The following TATDN3 variants were observed in gnomAD, a reference collection of about 807,000 sequenced individuals.
TATDN3 encodes the protein deoxyribonuclease TATDN3.
A neutral mutation model predicts 40.1 loss-of-function variants in TATDN3; 29 were observed. The observed-to-expected ratio is 0.72, with a 90% CI of 0.54 to 0.99. TATDN3 has a LOEUF of 0.99. Ranked by LOEUF, TATDN3 falls within the 50% of genes least tolerant of loss-of-function variation. The probability of loss-of-function intolerance (pLI) is 0.00; values close to 1 mark genes in which losing one functional copy is unlikely to be tolerated. For synonymous variants in TATDN3, 105 were observed against 117.0 expected (o/e 0.90, Z 0.66); for missense variants, 309 against 321.9 (o/e 0.96, Z 0.31).
chr1:212,799,419 G>C (rs1662030056), intron 4 of TATDN3, among the ~76,000 whole-genome samples: 1 of 152,110 alleles, frequency 6.6e-6, no homozygotes, highest in South Asian at 2.1e-4. Context: ...TGGGACCAGA[G>C]TACTAGCATT....
At chr1:212,802,461 C>T (rs576107490) in intron 4 of TATDN3, among the ~76,000 whole-genome samples, 12 of 152,288 alleles carry the variant, frequency 7.9e-5, no homozygotes, top group African/African-American at 1.7e-4. Flanking sequence ...GTTTAAGTGG[C>T]GCTCTTCATA....
intron 4 of TATDN3, among the ~76,000 whole-genome samples, chr1:212,799,506 G>C (rs866025376): frequency 1.4e-3 from 208 of 151,610 alleles, no homozygotes; most frequent in African/African-American, 3.9e-3. Flanking sequence ...ACTTACCAAA[G>C]TAATTAATAT....
intron 8 of TATDN3, among the ~76,000 whole-genome samples, chr1:212,808,583 C>A (rs1277112675): frequency 6.6e-6 from 1 of 151,842 alleles, no homozygotes; most frequent in Non-Finnish European, 1.5e-5. Flanking sequence ...GGTCTAGTAT[C>A]CAGAATATAT....
rs1455704099 is a variant in TATDN3, at chr1:212,815,783, A to T, written c.*627A>T. The T allele has an allele frequency of 6.6e-6, 1 of 152,334 alleles. No homozygotes were observed. Among genetic ancestry groups the T allele is most frequent in the East Asian group, 1.9e-4 (1 of 5,210 alleles). 9.4% of individuals were successfully genotyped at this position (152,334 alleles called of 1,614,324 possible). A position where few individuals can be genotyped will look rare whatever the true frequency, so the allele number is the denominator to read the frequency against. On this transcript the variant is annotated 3_prime_UTR_variant, in exon 10 of 10. Transcript: ENST00000366974. Reference sequence around the variant, plus strand: ...GGTGATCCGCCCGCCTCGGCCTCCCAAAGTGCTGGGATTACAGGCATGAGC... The same window carrying T: ...GGTGATCCGCCCGCCTCGGCCTCCCTAAGTGCTGGGATTACAGGCATGAGC...
chr1:212,812,375 T>C lies in TATDN3; in HGVS notation c.681+47T>C, dbSNP rs371758557. 26 of 1,028,318 alleles carry C rather than the reference T, an allele frequency of 2.5e-5. No individual in the cohort carries two copies. The African/African-American group carries it at 4.2e-4, about 16-fold the overall frequency. 63.7% of individuals were successfully genotyped at this position (1,028,318 alleles called of 1,614,324 possible). A position where few individuals can be genotyped will look rare whatever the true frequency, so the allele number is the denominator to read the frequency against. On this transcript the variant is annotated intron_variant, in intron 9 of 9. Coordinates refer to ENST00000366974, the MANE Select transcript of TATDN3 (RefSeq NM_001042552.3). ...ATATTATTTAGATTGTATCTTTCAT[T>C]TGAGTTCTTTTCAATTTAGCTGTAT... is the stretch of plus-strand genomic sequence containing the variant.
chr1:212,812,227 C>G lies in TATDN3; in HGVS notation c.601-21C>G, dbSNP rs528406803. On this transcript the variant is annotated intron_variant, in intron 8 of 9. Transcript: ENST00000366974. ...TTTATTTCTCATGTTTTAAACTTAGCTGCTTTCTCTTTTCTCTAAGAAGCA... is the reference window on the plus strand; with the variant it reads ...TTTATTTCTCATGTTTTAAACTTAGGTGCTTTCTCTTTTCTCTAAGAAGCA... 6 of 1,502,524 alleles carry G rather than the reference C, an allele frequency of 4.0e-6. No individual in the cohort carries two copies. The African/African-American group carries it at 7.1e-5, about 18-fold the overall frequency. The allele number at this position is 1,502,524 out of a possible 1,614,324, so 93.1% of individuals were successfully genotyped here. A position where few individuals can be genotyped will look rare whatever the true frequency, so the allele number is the denominator to read the frequency against.
intron 3 of TATDN3, 149 bp downstream of exon 3, chr1:212,796,739 C>T: frequency 4.0e-6 from 2 of 505,276 alleles, no homozygotes; most frequent in Non-Finnish European, 6.6e-6. Flanking sequence ...CTACTTATTC[C>T]TTTTTTTTTT....
chr1:212,800,846 T>A (rs112620996), intron 4 of TATDN3, among the ~76,000 whole-genome samples: 6 of 152,064 alleles, frequency 3.9e-5, no homozygotes, highest in African/African-American at 1.4e-4. Context: ...TGAATAATTA[T>A]ATAGTAGTAT....
chr1:212,792,386 C>G (rs1017619640), intron 1 of TATDN3, among the ~76,000 whole-genome samples: 4 of 150,974 alleles, frequency 2.6e-5, no homozygotes, highest in African/African-American at 9.8e-5. Flanking sequence ...AATCCCAGCA[C>G]TTTGGGAGGC....
At chr1:212,813,566 C>CTTTTTTTTTTT (rs202183479) in intron 9 of TATDN3, among the ~76,000 whole-genome samples, 7 of 130,962 alleles carry the variant, frequency 5.3e-5, no homozygotes, top group African/African-American at 8.5e-5. Flanking sequence ...TCTTTCTTTT[C>CTTTTTTTTTTT]TTTTTTTTTT....
In TATDN3 at chr1:212,816,560, A is replaced by G. The variant is rs1246593438; in HGVS notation, c.*1404A>G. On this transcript the variant is annotated 3_prime_UTR_variant, in exon 10 of 10. Transcript: ENST00000366974. Reference sequence around the variant, plus strand: ...CTTAGGTATTTAATCTTGTTAAATTATATAAGCAGAAAATGCTGGAAAAAG... The same window carrying G: ...CTTAGGTATTTAATCTTGTTAAATTGTATAAGCAGAAAATGCTGGAAAAAG... 6.6e-6 allele frequency: 1 copy of G among 152,228 alleles called. No individual in the cohort carries two copies. Among genetic ancestry groups the G allele is most frequent in the African/African-American group, 2.4e-5 (1 of 41,472 alleles). 9.4% of individuals were successfully genotyped at this position (152,228 alleles called of 1,614,324 possible).
Position 212,804,301 on chromosome 1 carries a change from T to C in TATDN3, c.322-19T>C. On this transcript the variant is annotated intron_variant, in intron 5 of 9. Transcript: ENST00000366974. ...TCCTTAAACCTAAATATGTAATATC[T>C]TTTATTTTTCTGCTCTAGGTTGGAC... 6.3e-7 allele frequency: 1 copy of C among 1,586,198 alleles called. No homozygotes were observed. Among genetic ancestry groups the C allele is most frequent in the Non-Finnish European group, 8.7e-7 (1 of 1,155,892 alleles).
intron 8 of TATDN3, among the ~76,000 whole-genome samples, chr1:212,810,807 A>G (rs1428926191): frequency 1.3e-5 from 2 of 152,190 alleles, no homozygotes; most frequent in African/African-American, 4.8e-5. Context: ...TTCCTTGTCA[A>G]TGTCGGCACA....
rs1228307951 is a variant in TATDN3 at position 212,815,475 on chromosome 1, C to T, written c.*319C>T. ...CATTGCTACTGGGAAGGGTGGCTCCCACAGGAAGAGTATAAGCACTACTGT... is the reference window on the plus strand; with the variant it reads ...CATTGCTACTGGGAAGGGTGGCTCCTACAGGAAGAGTATAAGCACTACTGT... On this transcript the variant is annotated 3_prime_UTR_variant, in exon 10 of 10. Coordinates refer to ENST00000366974, the MANE Select transcript of TATDN3 (RefSeq NM_001042552.3). The T allele has an allele frequency of 8.6e-6, 2 of 231,298 alleles. No homozygotes were observed. Among genetic ancestry groups the T allele is most frequent in the African/African-American group, 4.6e-5 (2 of 43,456 alleles). The allele number at this position is 231,298 out of a possible 1,614,324, so 14.3% of individuals were successfully genotyped here.
In TATDN3 at chr1:212,802,661, C is replaced by T. The variant is rs759056037; in HGVS notation, c.259-40C>T. On this transcript the variant is annotated intron_variant, in intron 4 of 9. Transcript: ENST00000366974. ...AATAGGAGCTTGTGAAATAGCAGTTCCTTTCTTCCATTTTAACAATTTTAC... is the reference window on the plus strand; with the variant it reads ...AATAGGAGCTTGTGAAATAGCAGTTTCTTTCTTCCATTTTAACAATTTTAC... 6.5e-6 allele frequency: 9 copies of T among 1,380,670 alleles called. No individual in the cohort carries two copies. The South Asian group carries it at 9.3e-5, about 14-fold the overall frequency. 85.5% of individuals were successfully genotyped at this position (1,380,670 alleles called of 1,614,324 possible). A position where few individuals can be genotyped will look rare whatever the true frequency, so the allele number is the denominator to read the frequency against.
Position 212,816,596 on chromosome 1 carries a change from AG to A in TATDN3, c.*1441del, listed in dbSNP as rs1169878690. On this transcript the variant is annotated 3_prime_UTR_variant, in exon 10 of 10. Transcript: ENST00000366974. ...AAATGCTGGAAAAAGTACCTGTCAT[AG>A]AAAAAAATAAACTTCCTAAATCAAA... The A allele has an allele frequency of 6.6e-6, 1 of 152,212 alleles. No individual in the cohort carries two copies. Among genetic ancestry groups the A allele is most frequent in the Non-Finnish European group, 1.5e-5 (1 of 68,024 alleles). The allele number at this position is 152,212 out of a possible 1,614,324, so 9.4% of individuals were successfully genotyped here. A position where few individuals can be genotyped will look rare whatever the true frequency, so the allele number is the denominator to read the frequency against.
Position 212,802,627 on chromosome 1 carries a change from C to T in TATDN3, c.259-74C>T, listed in dbSNP as rs1328918683. ...GTAAAGCACCAGGATGGCATAGCAC[C>T]TAGCACATAATAGGAGCTTGTGAAA... On this transcript the variant is annotated intron_variant, in intron 4 of 9. Coordinates refer to ENST00000366974, the MANE Select transcript of TATDN3 (RefSeq NM_001042552.3). 1.8e-5 allele frequency: 18 copies of T among 1,010,506 alleles called. No homozygotes were observed. The Middle Eastern group carries it at 3.0e-3, about 171-fold the overall frequency. 62.6% of individuals were successfully genotyped at this position (1,010,506 alleles called of 1,614,324 possible).
At chr1:212,801,787 C>T (rs1489365366) in intron 4 of TATDN3, among the ~76,000 whole-genome samples, 1 of 151,964 alleles carries the variant, frequency 6.6e-6, no homozygotes, top group African/African-American at 2.4e-5. Flanking sequence ...ATTCTTCTTC[C>T]AGTCTACTAG....
At chr1:212,810,248 G>T (rs1462298976) in intron 8 of TATDN3, among the ~76,000 whole-genome samples, 3 of 151,206 alleles carry the variant, frequency 2.0e-5, no homozygotes, top group Admixed American at 6.6e-5. Flanking sequence ...GGTGGCTCAC[G>T]CATGTAATCC....
Sources: gnomAD v4.1 joint callset for allele counts (sites outside exome capture counted in the v4.1 genomes callset) on GRCh38, gnomAD v4.1.1 for gene constraint, MANE v1.5 for transcripts, NCBI Gene and HGNC (gene_info 2026-07-23, HGNC 2026-07-21) for gene names.